The following ABCA10 variants were observed in gnomAD, a reference collection of about 807,000 sequenced individuals.
The protein encoded by ABCA10 is ATP binding cassette subfamily A member 10, also known as ATP-binding cassette sub-family A member 10.
ABCA10 carries 169 observed loss-of-function variants against 187.5 expected under a neutral mutation model. The observed-to-expected ratio is 0.90, with a 90% CI of 0.80 to 1.02. ABCA10 has a LOEUF of 1.02. Among genes scored for constraint, ABCA10 ranks in the 50% least tolerant of loss-of-function variants. The probability of loss-of-function intolerance (pLI) is 0.00; values close to 1 mark genes in which losing one functional copy is unlikely to be tolerated. For missense variants in ABCA10, 1,727 were observed against 1,812.4 expected, an observed-to-expected ratio of 0.95 and a Z score of 0.86; for synonymous variants, 574 against 601.8, an observed-to-expected ratio of 0.95 and a Z score of 0.68.
intron 9 of ABCA10, among the ~76,000 whole-genome samples, chr17:69,211,314 GAT>G (rs58580286): frequency 0.082 from 2,417 of 29,598 alleles, 38 homozygotes; most frequent in Middle Eastern, 0.11. Context: ...TCATATATAT[GAT>G]ATATATATAT....
chr17:69,169,419 T>C lies in ABCA10; in HGVS notation c.3163-4336A>G, dbSNP rs549704080. Among the ~76,000 whole-genome samples the C allele has an allele frequency of 2.0e-5, 3 of 152,326 alleles. No individual in the cohort carries two copies. The East Asian group carries it at 5.8e-4, about 29-fold the overall frequency. On this transcript the variant is annotated intron_variant, in intron 25 of 38. Transcript: ENST00000690296. ...AAGCAGACATTTGTGAACTGGAAGATTCACTATGTAAAGATATCATTTCTC... is the reference window on the plus strand; with the variant it reads ...AAGCAGACATTTGTGAACTGGAAGACTCACTATGTAAAGATATCATTTCTC...
chr17:69,160,017 A>G (rs2074202912), intron 27 of ABCA10, among the ~76,000 whole-genome samples: 1 of 152,148 alleles, frequency 6.6e-6, no homozygotes, highest in African/African-American at 2.4e-5. Context: ...ACCTAAATGG[A>G]AGACCTAAAA....
chr17:69,167,662 G>A (rs2074263357), intron 25 of ABCA10, among the ~76,000 whole-genome samples: 1 of 152,106 alleles, frequency 6.6e-6, no homozygotes, highest in Non-Finnish European at 1.5e-5. Context: ...CAGATGATGA[G>A]AAAGAAGATG....
intron 11 of ABCA10, among the ~76,000 whole-genome samples, chr17:69,195,705 C>T (rs1337383490): frequency 2.6e-5 from 4 of 151,932 alleles, no homozygotes; most frequent in South Asian, 2.1e-4. Context: ...GAGGACCCTG[C>T]GGTCTTCCGC....
intron 30 of ABCA10, 36 bp downstream of exon 30, chr17:69,154,983 C>T (rs2074162398): frequency 6.9e-7 from 1 of 1,448,530 alleles, no homozygotes. Flanking sequence ...GAATAAGGAA[C>T]ATTATAATAA....
intron 9 of ABCA10, among the ~76,000 whole-genome samples, chr17:69,204,603 T>A (rs950240508): frequency 1.2e-4 from 19 of 152,202 alleles, no homozygotes; most frequent in Non-Finnish European, 1.8e-4. Context: ...CCAATTTACA[T>A]AAGTATTTCC....
At chr17:69,182,126 C>CT in intron 22 of ABCA10, 27 bp downstream of exon 22, 2 of 1,535,678 alleles carry the variant, frequency 1.3e-6, no homozygotes, top group Non-Finnish European at 1.7e-6. Context: ...TGTGTTGCCT[C>CT]TTATATAAGT....
intron 10 of ABCA10, among the ~76,000 whole-genome samples, chr17:69,198,367 G>A (rs1360420719): frequency 6.6e-6 from 1 of 152,076 alleles, no homozygotes; most frequent in East Asian, 1.9e-4. Flanking sequence ...CCTCTTTTCA[G>A]TATCAGATTT....
intron 11 of ABCA10, among the ~76,000 whole-genome samples, chr17:69,195,779 C>T (rs2074495552): frequency 6.6e-6 from 1 of 151,672 alleles, no homozygotes; most frequent in Non-Finnish European, 1.5e-5. Flanking sequence ...AGCATGCTGC[C>T]TTCAAGCATC....
upstream of ABCA10, among the ~76,000 whole-genome samples, chr17:69,229,292 A>G (rs1446403340): frequency 6.6e-6 from 1 of 152,046 alleles, no homozygotes; most frequent in Non-Finnish European, 1.5e-5. Context: ...ATAAGTGTGA[A>G]GCCAACAGAT....
chr17:69,156,027 C>A, intron 28 of ABCA10, 102 bp from the exon 29 acceptor site: 1 of 1,300,636 alleles, frequency 7.7e-7, no homozygotes. Flanking sequence ...TTAAAAAAGA[C>A]TATCACATCA....
intron 25 of ABCA10, among the ~76,000 whole-genome samples, chr17:69,168,276 A>G (rs2074269124): frequency 6.6e-6 from 1 of 152,116 alleles, no homozygotes; most frequent in Admixed American, 6.6e-5. Context: ...TTTCAATTGC[A>G]TGAGGGTAGG....
intron 23 of ABCA10, 56 bp downstream of exon 23, chr17:69,175,350 A>G: frequency 6.8e-7 from 1 of 1,474,064 alleles, no homozygotes; most frequent in East Asian, 2.3e-5. Flanking sequence ...TAAAATTGCA[A>G]TTACTACAGT....
intron 25 of ABCA10, among the ~76,000 whole-genome samples, chr17:69,167,110 A>C (rs1164412800): frequency 1.3e-5 from 2 of 152,186 alleles, no homozygotes; most frequent in African/African-American, 2.4e-5. Flanking sequence ...TAAAGTCAGC[A>C]AGTATCTTGC....
intron 36 of ABCA10, chr17:69,150,352 T>A (rs1484734457): frequency 8.6e-6 from 2 of 231,814 alleles, no homozygotes; most frequent in African/African-American, 4.6e-5. Context: ...TCTTACTTAC[T>A]CTCAAAAAGC....
intron 16 of ABCA10, 150 bp from the exon 17 acceptor site, chr17:69,191,465 T>C (rs899018872): frequency 4.9e-6 from 4 of 818,216 alleles, no homozygotes; most frequent in Non-Finnish European, 5.0e-6. Context: ...GATACTCCAC[T>C]TCAAATTGCT....
chr17:69,160,214 T>C (rs1243701170), intron 27 of ABCA10, among the ~76,000 whole-genome samples: 1 of 152,162 alleles, frequency 6.6e-6, no homozygotes, highest in Non-Finnish European at 1.5e-5. Flanking sequence ...CAAGAAAACA[T>C]TTTCAAATCA....
At chr17:69,154,176 G>T in intron 31 of ABCA10, 59 bp downstream of exon 31, 1 of 1,470,052 alleles carries the variant, frequency 6.8e-7, no homozygotes, top group East Asian at 2.3e-5. Flanking sequence ...TTTACTGATA[G>T]GAATAATAGA....
rs758629091 is a variant in ABCA10 at position 69,174,607 on chromosome 17, C to T, written c.3048G>A (p.Leu1016=). ...FQLSWELMFV[L]VVCIIGCAVS... The stretch of plus-strand genomic sequence containing the variant: ...GCTTGTGGAAAAAATGATCACTTAC[C>T]AAAACAAACATGAGTTCCCATGAAA... Residue 1016 remains leucine (L), a splice_region_variant and synonymous_variant, in exon 24 of 39, where the codon TTG becomes TTA. Coordinates refer to ENST00000690296, the MANE Select transcript of ABCA10 (RefSeq NM_001377321.1). The T allele has an allele frequency of 1.3e-6, 2 of 1,586,068 alleles. No individual in the cohort carries two copies. Among genetic ancestry groups the T allele is most frequent in the Non-Finnish European group, 1.7e-6 (2 of 1,169,774 alleles).
Sources: allele counts gnomAD v4.1 joint callset (sites outside exome capture counted in the v4.1 genomes callset), GRCh38; gene constraint gnomAD v4.1.1; transcripts MANE v1.5; gene names NCBI Gene and HGNC (gene_info 2026-07-23, HGNC 2026-07-21).